DOK7: variants seen among roughly 807,000 people sequenced by gnomAD.
DOK7 encodes protein Dok-7.
In DOK7, 32 loss-of-function variants were observed where a neutral mutation model predicts 30.7. That is an observed-to-expected ratio of 1.04 (90% CI 0.79 to 1.40). The LOEUF is 1.40. Ranked by LOEUF, DOK7 falls within the 40% of genes most tolerant of loss-of-function variation. The pLI is 0.00. For missense variants in DOK7, 1,007 were observed against 699.2 expected (o/e 1.44, Z -4.97); for synonymous variants, 447 against 324.1 (o/e 1.38, Z -4.07).
intron 2 of DOK7, among the ~76,000 whole-genome samples, chr4:3,466,501 G>A (rs1388778327): frequency 6.6e-6 from 1 of 152,220 alleles, no homozygotes; most frequent in Non-Finnish European, 1.5e-5. Flanking sequence ...TGGATTTCCT[G>A]TGCGTCTGGC....
chr4:3,494,883 TCA>T (rs1027736525), downstream of DOK7, among the ~76,000 whole-genome samples: 1 of 152,152 alleles, frequency 6.6e-6, no homozygotes, highest in Non-Finnish European at 1.5e-5. Context: ...CAGGCTTGTC[TCA>T]GTCACCCCTG....
At chr4:3,473,775 G>A (rs1210228613) in intron 3 of DOK7, 139 bp downstream of exon 3, 2 of 865,290 alleles carry the variant, frequency 2.3e-6, no homozygotes, top group Admixed American at 5.6e-5. Context: ...GCCTTAGGGT[G>A]GACTGAGCTC....
At chr4:3,489,418 T>A (rs1046417353) in intron 5 of DOK7, among the ~76,000 whole-genome samples, 1 of 151,888 alleles carries the variant, frequency 6.6e-6, no homozygotes, top group Non-Finnish European at 1.5e-5. Context: ...CGGCGTGGGG[T>A]CCTGGTGAGT....
chr4:3,466,632 C>T (rs1048978440), intron 2 of DOK7, among the ~76,000 whole-genome samples: 16 of 152,204 alleles, frequency 1.1e-4, no homozygotes, highest in African/African-American at 3.6e-4. Flanking sequence ...CCTCAGCCCC[C>T]GCGTCAGGAC....
In DOK7 at chr4:3,493,992, GC is replaced by G. The variant is rs199630465; in HGVS notation, c.*497del. 37 of 972,868 alleles carry G rather than the reference GC, an allele frequency of 3.8e-5. No homozygotes were observed. The highest frequency in any genetic ancestry group is 7.7e-5 in the Admixed American group (1 of 12,912). 60.3% of individuals were successfully genotyped at this position (972,868 alleles called of 1,614,324 possible). Reference sequence around the variant, plus strand: ...CGGCCACCTGGGCTCCACCAGCCCAGCCCCCCTGGGCTCCGTGTGCGCTGGG... The same window carrying G: ...CGGCCACCTGGGCTCCACCAGCCCAGCCCCCTGGGCTCCGTGTGCGCTGGG... On this transcript the variant is annotated 3_prime_UTR_variant, in exon 7 of 7. Transcript: ENST00000340083.
At chr4:3,468,775 T>C (rs1726525851) in intron 2 of DOK7, among the ~76,000 whole-genome samples, 1 of 143,864 alleles carries the variant, frequency 7.0e-6, no homozygotes, top group African/African-American at 2.9e-5. Context: ...TGTGCATGTA[T>C]GTGTGCCTGT....
chr4:3,477,828 C>CG (rs996768801), intron 4 of DOK7, among the ~76,000 whole-genome samples: 4 of 19,924 alleles, frequency 2.0e-4, no homozygotes, highest in Non-Finnish European at 2.8e-4. Context: ...TGAGCTGGTG[C>CG]GGGGGGTGGG....
chr4:3,490,178 C>CACATTTACTAAACTCTGGTCTGA (rs1560225965), intron 6 of DOK7, among the ~76,000 whole-genome samples: 1 of 83,438 alleles, frequency 1.2e-5, no homozygotes, highest in Non-Finnish European at 2.3e-5. Context: ...TTTCTTCCTC[C>CACATTTACTAAACTCTGGTCTGA]GCCCCCCCCA....
At chr4:3,473,966 G>A (rs917372215) in intron 3 of DOK7, among the ~76,000 whole-genome samples, 3 of 151,948 alleles carry the variant, frequency 2.0e-5, no homozygotes, top group African/African-American at 7.2e-5. Flanking sequence ...GTGGAGCCCA[G>A]AGCCTGGCTA....
At chr4:3,476,062 C>G (rs1365649707) in intron 3 of DOK7, among the ~76,000 whole-genome samples, 2 of 152,008 alleles carry the variant, frequency 1.3e-5, no homozygotes, top group Non-Finnish European at 2.9e-5. Context: ...TGGCCCCTGC[C>G]CCTGCTGCCT....
rs573164406 is a variant in DOK7, at chr4:3,500,264, C to G, written c.1122C>G (p.Pro374=). The stretch of plus-strand genomic sequence containing the variant: ...CTCCCCCCACAGGATCCCCAGGACC[C>G]GTGGCTGTGGACAGCCCAGGACCAG... The change falls in exon 7 of 8, where the codon CCC becomes CCG. Residue 374 remains proline, a synonymous_variant. Coordinates refer to the DOK7 transcript ENST00000643608. 2.2e-4 allele frequency: 340 copies of G among 1,535,776 alleles called. No homozygotes were observed. The African/African-American group carries it at 3.6e-3, about 16-fold the overall frequency.
Position 3,489,815 on chromosome 4 carries a change from C to A in DOK7, c.772+19C>A, listed in dbSNP as rs1275984733. 1.3e-6 allele frequency: 2 copies of A among 1,565,594 alleles called. No homozygotes were observed. Among genetic ancestry groups the A allele is most frequent in the East Asian group, 2.4e-5 (1 of 42,332 alleles). The stretch of plus-strand genomic sequence containing the variant: ...AGTGGAGGTAGGGCCGGGGGCTGAC[C>A]TGGGCTGTGGGACCTCGGCTAAGCC... On this transcript the variant is annotated intron_variant, in intron 6 of 6. Coordinates refer to ENST00000340083, the MANE Select transcript of DOK7 (RefSeq NM_173660.5).
chr4:3,500,587 C>G, intron 7 of DOK7: 1 of 1,519,756 alleles, frequency 6.6e-7, no homozygotes, highest in Non-Finnish European at 8.8e-7. Context: ...GGTGTCCCCA[C>G]TCAGATGCTT....
chr4:3,463,647 G>A (rs2109312856), intron 2 of DOK7, 96 bp downstream of exon 2: 2 of 1,440,504 alleles, frequency 1.4e-6, no homozygotes, highest in Admixed American at 2.0e-5. Context: ...AATCGCCGCC[G>A]CTGTCACCCC....
Position 3,485,661 on chromosome 4 carries a change from G to A in DOK7, c.652+3G>A, listed in dbSNP as rs778370361. 15 of 1,572,226 alleles carry A rather than the reference G, an allele frequency of 9.5e-6. No individual in the cohort carries two copies. Among genetic ancestry groups the A allele is most frequent in the Non-Finnish European group, 1.3e-5 (15 of 1,157,070 alleles). On this transcript the variant is annotated splice_donor_region_variant and intron_variant, in intron 5 of 6. Transcript: ENST00000340083. ...TGGGCTGCGGCCGGTTCTACCAGGT[G>A]CGTGTGGGAGCCTGGCCGGCCGGGG...
At position 3,464,219 on chromosome 4, in the gene DOK7, G is replaced by A. The variant is rs1036344861; in HGVS notation, c.100+668G>A. The stretch of plus-strand genomic sequence containing the variant: ...AGGTGCGGCAGAGCCGGCCAGGCCC[G>A]GGTCTGGGTGGGATGCTCGGCCTGT... On this transcript the variant is annotated intron_variant, in intron 2 of 6. Transcript: ENST00000340083. 5.9e-5 allele frequency among the ~76,000 whole-genome samples: 9 copies of A among 152,312 alleles called. No homozygotes were observed. In the South Asian group the frequency reaches 6.2e-4, roughly 11 times the overall value.
At position 3,492,900 on chromosome 4, in the gene DOK7, A is replaced by G. The variant is rs747816956; in HGVS notation, c.914A>G (p.Gln305Arg). The change falls in exon 7 of 7, where the codon CAG becomes CGG. Residue 305 changes from glutamine (Q) to arginine (R), a missense_variant. Physicochemically the swap from Gln to Arg is conservative, Grantham distance 43. Coordinates refer to ENST00000340083, the MANE Select transcript of DOK7 (RefSeq NM_173660.5). ...SQEGPRPAAA[Q>R]AAGEAMVGAS... ...GAGGGGCCTAGACCAGCAGCTGCCC[A>G]GGCCGCCGGGGAAGCCATGGTGGGT... The G allele has an allele frequency of 6.3e-6, 10 of 1,583,558 alleles. No individual in the cohort carries two copies. The highest frequency in any genetic ancestry group is 7.7e-6 in the Non-Finnish European group (9 of 1,167,754).
chr4:3,476,513 T>C lies in DOK7; in HGVS notation c.503T>C (p.Ile168Thr). Residue 168 changes from isoleucine (I) to threonine (T), a missense_variant, in exon 4 of 7, where the codon ATC (isoleucine) becomes ACC (threonine). Ile to Thr is a moderately conservative substitution (Grantham distance 89, BLOSUM62 -1). Coordinates refer to ENST00000340083, the MANE Select transcript of DOK7 (RefSeq NM_173660.5). ...TACGGGGCCGTGCCAAGCGGATTCA[T>C]CTTTGAAGGCGGGACCAGGTGTGGG... The part of the protein sequence containing the change: ...RRYGAVPSGF[I>T]FEGGTRCGYW... The C allele has an allele frequency of 6.2e-7, 1 of 1,613,884 alleles. No individual in the cohort carries two copies. The highest frequency in any genetic ancestry group is 8.5e-7 in the Non-Finnish European group (1 of 1,180,022).
chr4:3,492,368 G>T (rs925757135), intron 6 of DOK7, among the ~76,000 whole-genome samples: 1 of 151,994 alleles, frequency 6.6e-6, no homozygotes, highest in Non-Finnish European at 1.5e-5. Flanking sequence ...CCGTGATGGT[G>T]CGGAGGGCAA....
Sources: allele counts gnomAD v4.1 joint callset (sites outside exome capture counted in the v4.1 genomes callset), GRCh38; gene constraint gnomAD v4.1.1; transcripts MANE v1.5; gene names NCBI Gene and HGNC (gene_info 2026-07-23, HGNC 2026-07-21).